The following NPAS2 variants were observed in gnomAD, a reference collection of about 807,000 sequenced individuals.
NPAS2 encodes neuronal PAS domain-containing protein 2.
A neutral mutation model predicts 107.5 loss-of-function variants in NPAS2; 23 were observed. The ratio of observed to expected loss-of-function variants is 0.21; its 90% CI spans 0.15 to 0.30. The LOEUF is 0.30. NPAS2 is among the 10% of genes least tolerant of loss of function. NPAS2 has a pLI of 1.00. For missense variants in NPAS2, 756 were observed against 1,043.3 expected (o/e 0.72, Z 3.79); for synonymous variants, 403 against 417.5 (o/e 0.97, Z 0.42).
Position 100,996,197 on chromosome 2 carries a change from G to A in NPAS2, c.*615G>A, listed in dbSNP as rs1280052154. ...AGCAGCCCACCAATCAGAGAAGCTG[G>A]TTGTTATTAACCAAGCTACAGATTC... On this transcript the variant is annotated 3_prime_UTR_variant, in exon 21 of 21. Transcript: ENST00000335681. The A allele has an allele frequency of 4.6e-6, 1 of 215,910 alleles. No individual in the cohort carries two copies. Among genetic ancestry groups the A allele is most frequent in the Non-Finnish European group, 9.3e-6 (1 of 107,874 alleles). The allele number at this position is 215,910 out of a possible 1,614,324, so 13.4% of individuals were successfully genotyped here. A position where few individuals can be genotyped will look rare whatever the true frequency, so the allele number is the denominator to read the frequency against.
rs59617726 is a variant in NPAS2 at position 100,884,953 on chromosome 2, A to AT, written c.-22-19767dup. ...CTAAGATCCTTTATATATATATATA[A>AT]TTTTTTTTTTTTTGAGACGGAGTCT... is the stretch of plus-strand genomic sequence containing the variant. On this transcript the variant is annotated intron_variant, in intron 1 of 20. Coordinates refer to ENST00000335681, the MANE Select transcript of NPAS2 (RefSeq NM_002518.4). Among the ~76,000 whole-genome samples, 447 of 146,070 alleles carry AT rather than the reference A, an allele frequency of 3.1e-3. 8 individuals carry two copies. The East Asian group carries it at 0.062, about 20-fold the overall frequency.
In NPAS2 at chr2:100,948,348, C is replaced by T; in HGVS notation, c.477C>T (p.Tyr159=). 6.3e-7 allele frequency: 1 copy of T among 1,592,856 alleles called. No individual in the cohort carries two copies. Among genetic ancestry groups the T allele is most frequent in the Non-Finnish European group, 8.5e-7 (1 of 1,171,090 alleles). ...TGACGGATTCCCCCTCCCCAGAATA[C>T]TTAAAATGTAAGTTTAATTTTTCTG... ...MLVTDSPSPE[Y]LKSDSDLEFY... Residue 159 remains tyrosine (Y), a synonymous_variant, in exon 6 of 21, where the codon TAC becomes TAT. Transcript: ENST00000335681.
At chr2:100,868,013 C>T (rs1194102768) in intron 1 of NPAS2, among the ~76,000 whole-genome samples, 4 of 152,004 alleles carry the variant, frequency 2.6e-5, no homozygotes. Context: ...TTTTTCTCCT[C>T]CCAAATATGA....
rs540905042 is a variant in NPAS2 at position 100,996,808 on chromosome 2, AAATT to A, written c.*1229_*1232del. The A allele has an allele frequency of 6.6e-6, 1 of 152,266 alleles. No homozygotes were observed. The highest frequency in any genetic ancestry group is 1.5e-5 in the Non-Finnish European group (1 of 68,044). 9.4% of individuals were successfully genotyped at this position (152,266 alleles called of 1,614,324 possible). On this transcript the variant is annotated 3_prime_UTR_variant, in exon 21 of 21. Coordinates refer to ENST00000335681, the MANE Select transcript of NPAS2 (RefSeq NM_002518.4). ...TTTCTGTGAGTGAAAATTTTGTAAT[AAATT>A]AACAAATTTGTACAATTTCCTCTGT... is the stretch of plus-strand genomic sequence containing the variant.
At chr2:100,929,653 C>G (rs1011106506) in intron 3 of NPAS2, among the ~76,000 whole-genome samples, 1 of 152,100 alleles carries the variant, frequency 6.6e-6, no homozygotes, top group Non-Finnish European at 1.5e-5. Context: ...CCATGGTAGG[C>G]GTATTTACAC....
intron 1 of NPAS2, among the ~76,000 whole-genome samples, chr2:100,886,523 A>AATTC (rs372230195): frequency 6.6e-6 from 1 of 152,290 alleles, no homozygotes; most frequent in African/African-American, 2.4e-5. Context: ...CTGAGCTAAC[A>AATTC]ATTCATTGAG....
At chr2:100,923,852 G>A (rs1683395490) in intron 2 of NPAS2, among the ~76,000 whole-genome samples, 1 of 152,108 alleles carries the variant, frequency 6.6e-6, no homozygotes, top group African/African-American at 2.4e-5. Context: ...GGCCCCTCGA[G>A]TAGCACTGCT....
chr2:100,949,382 A>C lies in NPAS2; in HGVS notation c.500A>C (p.Glu167Ala). 3.1e-6 allele frequency: 5 copies of C among 1,611,494 alleles called. No individual in the cohort carries two copies. Among genetic ancestry groups the C allele is most frequent in the Non-Finnish European group, 4.2e-6 (5 of 1,177,606 alleles). ...AACGGCCCAGCTGACAGCGATTTAG[A>C]GTTTTATTGCCATCTTCTCAGAGGC... ...PEYLKSDSDL[E>A]FYCHLLRGSL... The change falls in exon 7 of 21, where the codon GAG becomes GCG. Residue 167 changes from glutamate to alanine, a missense_variant. Glu to Ala is a moderately radical substitution (Grantham distance 107, BLOSUM62 -1). Around this residue, in one of 4 missense-constraint regions of NPAS2, gnomAD observed 146 missense variants for 249.6 expected, o/e 0.58. Coordinates refer to ENST00000335681, the MANE Select transcript of NPAS2 (RefSeq NM_002518.4).
chr2:100,887,270 A>T (rs1213117292), intron 1 of NPAS2, among the ~76,000 whole-genome samples: 2 of 152,214 alleles, frequency 1.3e-5, no homozygotes, highest in African/African-American at 4.8e-5. Context: ...CTTCTGAGCC[A>T]GAGAGGCCAG....
chr2:100,897,399 C>T (rs763157407), intron 1 of NPAS2, among the ~76,000 whole-genome samples: 6 of 152,124 alleles, frequency 3.9e-5, no homozygotes, highest in South Asian at 2.1e-4. Context: ...TAAGTTTCAC[C>T]GCTGTCCTCT....
rs1676077764 is a variant in NPAS2 at position 100,964,160 on chromosome 2, C to T, written c.701C>T (p.Thr234Ile). ...TTCATTGCCACCGTTCGTCTGGCAA[C>T]ACCACAATTCTTAAAGGCAAGTACC... is the stretch of plus-strand genomic sequence containing the variant. ...VCFIATVRLA[T>I]PQFLKEMCIV... The change falls in exon 8 of 21, where the codon ACA becomes ATA. Residue 234 changes from threonine to isoleucine, a missense_variant. Physicochemically the swap from Thr to Ile is moderately conservative, Grantham distance 89. This residue lies in a region of NPAS2 where 84 missense variants were observed against 175.5 expected (regional missense o/e 0.48). Coordinates refer to ENST00000335681, the MANE Select transcript of NPAS2 (RefSeq NM_002518.4). 5.0e-6 allele frequency: 8 copies of T among 1,609,768 alleles called. No homozygotes were observed. The highest frequency in any genetic ancestry group is 6.8e-6 in the Non-Finnish European group (8 of 1,176,110).
chr2:100,873,847 C>T (rs1389985122), intron 1 of NPAS2, among the ~76,000 whole-genome samples: 1 of 152,202 alleles, frequency 6.6e-6, no homozygotes, highest in Non-Finnish European at 1.5e-5. Flanking sequence ...TGTTCCTCCC[C>T]ATCATAACTG....
At chr2:100,939,302 C>T (rs545720131) in intron 5 of NPAS2, among the ~76,000 whole-genome samples, 1 of 152,308 alleles carries the variant, frequency 6.6e-6, no homozygotes, top group African/African-American at 2.4e-5. Flanking sequence ...CCTAATCTAA[C>T]CTAATCTGTC....
At chr2:100,894,452 C>T (rs1681275713) in intron 1 of NPAS2, among the ~76,000 whole-genome samples, 1 of 152,124 alleles carries the variant, frequency 6.6e-6, no homozygotes, top group South Asian at 2.1e-4. Flanking sequence ...GACGTGATTT[C>T]AATCACAAAA....
intron 1 of NPAS2, among the ~76,000 whole-genome samples, chr2:100,898,508 G>T (rs945918832): frequency 6.6e-6 from 1 of 152,210 alleles, no homozygotes. Flanking sequence ...TAGGAGTTAA[G>T]ATAGTGTGGT....
chr2:100,879,831 CAAG>C (rs1031940373), intron 1 of NPAS2, among the ~76,000 whole-genome samples: 1 of 152,208 alleles, frequency 6.6e-6, no homozygotes, highest in Admixed American at 6.5e-5. Flanking sequence ...AGCAGCCACT[CAAG>C]GAGAGAGGCT....
At chr2:100,978,045 TG>T (rs1677140595) in intron 15 of NPAS2, among the ~76,000 whole-genome samples, 1 of 152,026 alleles carries the variant, frequency 6.6e-6, no homozygotes, top group African/African-American at 2.4e-5. Context: ...AGGGAACAGG[TG>T]GTGTTTGATT....
chr2:100,848,451 A>G (rs1677927158), intron 1 of NPAS2, among the ~76,000 whole-genome samples: 1 of 152,208 alleles, frequency 6.6e-6, no homozygotes, highest in Non-Finnish European at 1.5e-5. Flanking sequence ...AAACTCATGA[A>G]ACAGGGAGGA....
chr2:100,973,324 C>G (rs1354882675), intron 12 of NPAS2, among the ~76,000 whole-genome samples: 1 of 152,174 alleles, frequency 6.6e-6, no homozygotes, highest in Non-Finnish European at 1.5e-5. Flanking sequence ...TTGTAAAATG[C>G]AGATTCCCGT....
Sources: gnomAD v4.1 joint callset for allele counts (sites outside exome capture counted in the v4.1 genomes callset) on GRCh38, gnomAD v4.1.1 for gene constraint, gnomAD v4.1.1 regional missense constraint, MANE v1.5 for transcripts, NCBI Gene and HGNC (gene_info 2026-07-23, HGNC 2026-07-21) for gene names.